The following AATK variants were observed in gnomAD, a reference collection of about 807,000 sequenced individuals.
AATK encodes the protein lemur tail kinase 1, also known as serine/threonine-protein kinase LMTK1.
Under a neutral mutation model 114.3 loss-of-function variants are expected in AATK, and 91 were observed. The ratio of observed to expected loss-of-function variants is 0.80; its 90% confidence interval spans 0.67 to 0.95. The LOEUF is 0.95. AATK is among the 40% of genes least tolerant of loss of function. AATK has a pLI of 0.00. For missense variants in AATK, 2,176 were observed against 1,965.2 expected, an observed-to-expected ratio of 1.11 and a Z score of -2.03; for synonymous variants, 1,075 against 916.5, an observed-to-expected ratio of 1.17 and a Z score of -3.12.
chr17:81,118,398 G>T lies in AATK; in HGVS notation c.*4C>A. ...AGCCTTGAGGGGCAGGAGCTGCCCA[G>T]GTCTCAAGCCTCTTTACTCTCACCC... is the stretch of plus-strand genomic sequence containing the variant. On this transcript the variant is annotated 3_prime_UTR_variant, in exon 14 of 14. Coordinates refer to ENST00000326724, the MANE Select transcript of AATK (RefSeq NM_001080395.3). 6.2e-7 allele frequency: 1 copy of T among 1,605,880 alleles called. No homozygotes were observed. Among genetic ancestry groups the T allele is most frequent in the Non-Finnish European group, 8.5e-7 (1 of 1,177,176 alleles).
chr17:81,165,632 A>T (rs769512849), intron 1 of AATK: 47 of 1,464,016 alleles, frequency 3.2e-5, no homozygotes, highest in Non-Finnish European at 4.2e-5. Context: ...GTCTGAGACC[A>T]ACTCTCCTGG....
intron 1 of AATK, among the ~76,000 whole-genome samples, chr17:81,137,401 G>A (rs1404839986): frequency 2.0e-5 from 3 of 152,114 alleles, no homozygotes. Flanking sequence ...CAGAGGAGGG[G>A]GGGTTCCCAC....
At position 81,166,100 on chromosome 17, in the gene AATK, G is replaced by C. The variant is rs1295425238; in HGVS notation, c.-108C>G. On this transcript the variant is annotated 5_prime_UTR_variant, in exon 1 of 14. Coordinates refer to ENST00000326724, the MANE Select transcript of AATK (RefSeq NM_001080395.3). ...CCAGCGGCCGCCGCAGGTGCGGAGCGCGCCGGCCCCCGCGCCCCGCGCCCC... is the reference window on the plus strand; with the variant it reads ...CCAGCGGCCGCCGCAGGTGCGGAGCCCGCCGGCCCCCGCGCCCCGCGCCCC... 5.5e-5 allele frequency: 34 copies of C among 618,470 alleles called. No homozygotes were observed. Among genetic ancestry groups the C allele is most frequent in the South Asian group, 2.7e-4 (4 of 15,050 alleles). The allele number at this position is 618,470 out of a possible 1,614,324, so 38.3% of individuals were successfully genotyped here. A position where few individuals can be genotyped will look rare whatever the true frequency, so the allele number is the denominator to read the frequency against.
At chr17:81,141,799 C>T (rs567452680) in intron 1 of AATK, among the ~76,000 whole-genome samples, 16 of 152,342 alleles carry the variant, frequency 1.1e-4, no homozygotes, top group South Asian at 2.1e-4. Flanking sequence ...TGGCTGGACG[C>T]GCTGGGGGCA....
rs1454135262 is a variant in AATK, at chr17:81,127,655, G to C, written c.549C>G (p.Ser183Arg). The C allele has an allele frequency of 3.8e-6, 6 of 1,591,902 alleles. No homozygotes were observed. Among genetic ancestry groups the C allele is most frequent in the Non-Finnish European group, 5.1e-6 (6 of 1,169,856 alleles). The part of the protein sequence containing the change: ...EVQPYRALKH[S>R]NLLQCLAQCA... ...ACTGGGCCAGGCACTGGAGCAGGTT[G>C]CTGTGCTTCAGGGCCCTGCGGGAGT... Residue 183 changes from serine to arginine, a missense_variant, in exon 6 of 14, where the codon AGC becomes AGG. Ser to Arg is a moderately radical substitution (Grantham distance 110, BLOSUM62 -1). Transcript: ENST00000326724.
Position 81,126,471 on chromosome 17 carries a change from C to A in AATK, c.711G>T (p.Val237=). 6.4e-7 allele frequency: 1 copy of A among 1,558,016 alleles called. No individual in the cohort carries two copies. Among genetic ancestry groups the A allele is most frequent in the Non-Finnish European group, 8.7e-7 (1 of 1,151,090 alleles). ...GATGAAGGTGCAGGACGCCACAGGCCACCTCACAGGCCATGCGCTGCAGGG... is the reference window on the plus strand; with the variant it reads ...GATGAAGGTGCAGGACGCCACAGGCAACCTCACAGGCCATGCGCTGCAGGG... ...PRTLQRMACE[V]ACGVLHLHRN... The change falls in exon 7 of 14, where the codon GTG becomes GTT. Residue 237 remains valine (V), a synonymous_variant. Transcript: ENST00000326724. This position sits in a 1 kb window ranked among gnomAD's most constrained non-coding sequence, Gnocchi z 5.1.
chr17:81,120,141 C>T, intron 11 of AATK, 58 bp from the exon 12 acceptor site: 1 of 1,510,226 alleles, frequency 6.6e-7, no homozygotes, highest in Non-Finnish European at 8.9e-7. Context: ...GCCGCTCCCA[C>T]CCCTTCCTGC....
At chr17:81,140,998 G>A (rs892492375) in intron 1 of AATK, among the ~76,000 whole-genome samples, 30 of 144,526 alleles carry the variant, frequency 2.1e-4, no homozygotes, top group African/African-American at 5.5e-4. Flanking sequence ...CTGTGGGGCC[G>A]TAAGCCGTGG....
intron 1 of AATK, among the ~76,000 whole-genome samples, chr17:81,142,589 A>G (rs2061154782): frequency 6.6e-6 from 1 of 152,138 alleles, no homozygotes; most frequent in Non-Finnish European, 1.5e-5. Context: ...GGCTCTGCTG[A>G]GAGGTTGGGG....
At chr17:81,128,683 C>A (rs1318411457) in intron 3 of AATK, 134 bp from the exon 4 acceptor site, 87 of 1,474,528 alleles carry the variant, frequency 5.9e-5, no homozygotes, top group Non-Finnish European at 7.6e-5. Context: ...CAGCTGGCAA[C>A]CTTGGGGCCA....
chr17:81,149,848 G>A (rs994476765), intron 1 of AATK, among the ~76,000 whole-genome samples: 4 of 152,168 alleles, frequency 2.6e-5, no homozygotes, highest in Admixed American at 6.5e-5. Context: ...CAAAATGCCC[G>A]GTGCCTCAGT....
chr17:81,127,676 G>C lies in AATK; in HGVS notation c.534-6C>G, dbSNP rs1208992828. The C allele has an allele frequency of 1.9e-6, 3 of 1,577,312 alleles. No homozygotes were observed. Among genetic ancestry groups the C allele is most frequent in the Non-Finnish European group, 2.6e-6 (3 of 1,162,120 alleles). On this transcript the variant is annotated splice_polypyrimidine_tract_variant and splice_region_variant and intron_variant, in intron 5 of 13. Transcript: ENST00000326724. The stretch of plus-strand genomic sequence containing the variant: ...GGTTGCTGTGCTTCAGGGCCCTGCG[G>C]GAGTGGACAGGCGGCCCCTGACTTG...
Position 81,139,164 on chromosome 17 carries a change from G to A in AATK, c.56-4663C>T, listed in dbSNP as rs557757290. Among the ~76,000 whole-genome samples, 7 of 152,334 alleles carry A rather than the reference G, an allele frequency of 4.6e-5. No individual in the cohort carries two copies. In the South Asian group the frequency reaches 6.2e-4, roughly 14 times the overall value. Reference sequence around the variant, plus strand: ...ATCATCATCCTCACTTTACAAGTACGAAAACTGAGGCTCAGTGATGTCACA... The same window carrying A: ...ATCATCATCCTCACTTTACAAGTACAAAAACTGAGGCTCAGTGATGTCACA... On this transcript the variant is annotated intron_variant, in intron 1 of 13. Transcript: ENST00000326724.
chr17:81,119,990 G>A lies in AATK; in HGVS notation c.3829C>T (p.Pro1277Ser). ...LRGSPGSPSA[P>S]NRPQQADGSP... ...CCATCAGCCTGCTGCGGCCGGTTGG[G>A]GGCGCTGGGAGAGCCGGGGCTCCCC... Residue 1277 changes from proline to serine, a missense_variant, in exon 12 of 14, where the codon CCC (proline) becomes TCC (serine). By Grantham distance (74) the Pro-to-Ser change is moderately conservative (BLOSUM62 -1). This residue lies in a region of AATK where 1,701 missense variants were observed against 1,394.7 expected (regional missense o/e 1.22). Coordinates refer to ENST00000326724, the MANE Select transcript of AATK (RefSeq NM_001080395.3). 6.9e-7 allele frequency: 1 copy of A among 1,448,354 alleles called. No individual in the cohort carries two copies. Among genetic ancestry groups the A allele is most frequent in the Non-Finnish European group, 9.1e-7 (1 of 1,100,316 alleles). 89.7% of individuals were successfully genotyped at this position (1,448,354 alleles called of 1,614,324 possible). A position where few individuals can be genotyped will look rare whatever the true frequency, so the allele number is the denominator to read the frequency against.
At position 81,118,454 on chromosome 17, in the gene AATK, GACAACAA is replaced by G. The variant is rs1568214520; in HGVS notation, c.4085-19_4085-13del. 1.2e-6 allele frequency: 2 copies of G among 1,605,034 alleles called. No individual in the cohort carries two copies. Among genetic ancestry groups the G allele is most frequent in the Non-Finnish European group, 1.7e-6 (2 of 1,176,752 alleles). ...ACCAGCTTCAGGTCCTGGCAAGCAG[GACAACAA>G]AGTGAACACAGGGTTCTGAGACACC... On this transcript the variant is annotated splice_polypyrimidine_tract_variant and intron_variant, in intron 13 of 13. Coordinates refer to ENST00000326724, the MANE Select transcript of AATK (RefSeq NM_001080395.3).
rs1442841566 is a variant in AATK at position 81,120,519 on chromosome 17, G to T, written c.3417C>A (p.Pro1139=). 6.7e-7 allele frequency: 1 copy of T among 1,483,242 alleles called. No individual in the cohort carries two copies. The highest frequency in any genetic ancestry group is 9.0e-7 in the Non-Finnish European group (1 of 1,115,040). 91.9% of individuals were successfully genotyped at this position (1,483,242 alleles called of 1,614,324 possible). ...PQKRMGGPGT[P]RAPLRLALPG... ...GCAGAGCCAGGCGGAGTGGGGCTCT[G>T]GGGGTGCCTGGGCCCCCCATCCGCT... Residue 1139 remains proline (P), a synonymous_variant, in exon 11 of 14, where the codon CCC becomes CCA. Transcript: ENST00000326724.
intron 1 of AATK, among the ~76,000 whole-genome samples, chr17:81,159,003 C>T (rs1252665664): frequency 2.6e-5 from 4 of 152,220 alleles, no homozygotes; most frequent in Admixed American, 2.6e-4. Context: ...GCTTATGAGA[C>T]AGACGTCCAG....
At chr17:81,147,758 G>T (rs1445915389) in intron 1 of AATK, among the ~76,000 whole-genome samples, 1 of 152,116 alleles carries the variant, frequency 6.6e-6, no homozygotes, top group East Asian at 1.9e-4. Flanking sequence ...CTGTCTCAAA[G>T]AAAAGAAGGT....
intron 1 of AATK, among the ~76,000 whole-genome samples, chr17:81,158,165 CAGTCTGACGCGCT>C (rs1243969172): frequency 2.0e-5 from 3 of 152,202 alleles, no homozygotes; most frequent in Non-Finnish European, 4.4e-5. Flanking sequence ...AAAAATAAAA[CAGTCTGACGCGCT>C]AGTTCAGGCT....
Sources: gnomAD v4.1 joint callset for allele counts (sites outside exome capture counted in the v4.1 genomes callset) on GRCh38, gnomAD v4.1.1 for gene constraint, gnomAD v4.1.1 regional missense constraint, Gnocchi (gnomAD v3.1) non-coding constraint, MANE v1.5 for transcripts, NCBI Gene and HGNC (gene_info 2026-07-23, HGNC 2026-07-21) for gene names.